Variants in TECRL observed in about 807,000 individuals in gnomAD.
The protein encoded by TECRL is trans-2,3-enoyl-CoA reductase-like.
A neutral mutation model predicts 52.8 loss-of-function variants in TECRL; 63 were observed. That is an observed-to-expected ratio of 1.19 (90% CI 0.97 to 1.47). The LOEUF is 1.47. Ranked by LOEUF, TECRL falls within the 40% of genes most tolerant of loss-of-function variation. TECRL has a pLI of 0.00. For synonymous variants in TECRL, 164 were observed against 141.9 expected, an observed-to-expected ratio of 1.16 and a Z score of -1.10; for missense variants, 482 against 429.6, an observed-to-expected ratio of 1.12 and a Z score of -1.08.
intron 1 of TECRL, among the ~76,000 whole-genome samples, chr4:64,403,673 TCTCA>T (rs1268569764): frequency 6.6e-6 from 1 of 151,866 alleles, no homozygotes; most frequent in African/African-American, 2.4e-5. Flanking sequence ...GAAATCACAC[TCTCA>T]GATTTATACT....
chr4:64,373,531 T>G (rs1050686049), intron 2 of TECRL, among the ~76,000 whole-genome samples: 1 of 151,116 alleles, frequency 6.6e-6, no homozygotes, highest in Non-Finnish European at 1.5e-5. Context: ...AAGTAATTGT[T>G]ATGTCTATTA....
intron 2 of TECRL, among the ~76,000 whole-genome samples, chr4:64,366,839 A>G (rs566427473): frequency 1.6e-4 from 25 of 152,096 alleles, no homozygotes; most frequent in Non-Finnish European, 2.5e-4. Flanking sequence ...AGATTTCCCA[A>G]TGAATTTACA....
chr4:64,311,676 A>G (rs1330461169), intron 5 of TECRL, among the ~76,000 whole-genome samples: 1 of 152,184 alleles, frequency 6.6e-6, no homozygotes, highest in African/African-American at 2.4e-5. Flanking sequence ...TAGTTTATAT[A>G]TATGCCATCA....
chr4:64,294,813 T>C (rs1723588543), intron 8 of TECRL, among the ~76,000 whole-genome samples: 1 of 151,990 alleles, frequency 6.6e-6, no homozygotes, highest in Non-Finnish European at 1.5e-5. Flanking sequence ...TTTACCTGAA[T>C]CAATATTTCA....
At chr4:64,283,800 A>G (rs1053066580) in intron 9 of TECRL, among the ~76,000 whole-genome samples, 4 of 152,112 alleles carry the variant, frequency 2.6e-5, no homozygotes, top group African/African-American at 9.7e-5. Context: ...CTAGGTTTTC[A>G]TAAATTCCTT....
Position 64,300,003 on chromosome 4 carries a change from G to A in TECRL, c.745C>T (p.Gln249Ter). The change falls in exon 8 of 12, where the codon CAA (glutamine) becomes TAA (stop). Residue 249 changes from glutamine to a stop codon, truncating the protein, a stop_gained. Transcript: ENST00000381210. LOFTEE classifies it high-confidence loss of function. ...AAATTGATAGCAGATACTGTGATTT[G>A]CCTGTTTCCAAATGCTGGAGAGTAG... ...LYTPPSFGNR[Q>*]ITVSAINFLI... The A allele has an allele frequency of 1.3e-6, 2 of 1,579,808 alleles. No homozygotes were observed. The highest frequency in any genetic ancestry group is 1.7e-6 in the Non-Finnish European group (2 of 1,160,102).
chr4:64,372,308 G>A (rs1379055079), intron 2 of TECRL, among the ~76,000 whole-genome samples: 1 of 151,806 alleles, frequency 6.6e-6, no homozygotes, highest in Non-Finnish European at 1.5e-5. Context: ...AATGAGAAAA[G>A]CATAAGAAAT....
intron 3 of TECRL, among the ~76,000 whole-genome samples, chr4:64,325,149 C>T (rs1718172807): frequency 6.6e-6 from 1 of 152,112 alleles, no homozygotes; most frequent in South Asian, 2.1e-4. Context: ...TGAGAAAAGA[C>T]AGCCACCTCT....
intron 7 of TECRL, among the ~76,000 whole-genome samples, chr4:64,304,664 C>T (rs1388844151): frequency 6.6e-6 from 1 of 151,882 alleles, no homozygotes; most frequent in African/African-American, 2.4e-5. Flanking sequence ...GATTAAGAAC[C>T]AAGGAATTAG....
intron 2 of TECRL, among the ~76,000 whole-genome samples, chr4:64,358,223 T>C (rs1010406432): frequency 2.6e-5 from 4 of 151,886 alleles, no homozygotes; most frequent in Middle Eastern, 3.2e-3. Context: ...TGCCTCATTC[T>C]TACAAATATG....
Position 64,322,814 on chromosome 4 carries a change from AATTTT to A in TECRL, c.332-27_332-23del, listed in dbSNP as rs779470632. On this transcript the variant is annotated intron_variant, in intron 3 of 11. Coordinates refer to ENST00000381210, the MANE Select transcript of TECRL (RefSeq NM_001010874.5). ...CCGCCTAAAATAAAAATAACAAGAA[AATTTT>A]ATTTTAATACAATTTCTTAGCATAA... The A allele has an allele frequency of 4.5e-6, 7 of 1,541,190 alleles. No homozygotes were observed. In the South Asian group the frequency reaches 4.9e-5, roughly 11 times the overall value.
At chr4:64,353,591 T>G (rs1249385507) in intron 2 of TECRL, among the ~76,000 whole-genome samples, 1 of 152,048 alleles carries the variant, frequency 6.6e-6, no homozygotes, top group Non-Finnish European at 1.5e-5. Context: ...TAGTATTCGT[T>G]GAATAAGGAA....
At chr4:64,368,353 T>A (rs566188624) in intron 2 of TECRL, among the ~76,000 whole-genome samples, 1 of 152,166 alleles carries the variant, frequency 6.6e-6, no homozygotes, top group African/African-American at 2.4e-5. Flanking sequence ...TGGAGTGCAA[T>A]GGCATGATCT....
intron 2 of TECRL, among the ~76,000 whole-genome samples, chr4:64,352,707 C>T (rs946782232): frequency 3.3e-5 from 5 of 152,142 alleles, no homozygotes; most frequent in Non-Finnish European, 7.4e-5. Context: ...CATGCACATA[C>T]ATATCCAAAC....
intron 2 of TECRL, among the ~76,000 whole-genome samples, chr4:64,339,714 G>A (rs375863856): frequency 1.4e-4 from 21 of 151,938 alleles, no homozygotes; most frequent in Middle Eastern, 3.4e-3. Context: ...CTTTCCCCGC[G>A]TCTTATACTA....
intron 2 of TECRL, among the ~76,000 whole-genome samples, chr4:64,365,804 C>A (rs1015326729): frequency 6.6e-6 from 1 of 151,868 alleles, no homozygotes; most frequent in Non-Finnish European, 1.5e-5. Flanking sequence ...GCCATACAGA[C>A]CAAAGCGATG....
At chr4:64,399,943 G>A (rs1422513147) in intron 1 of TECRL, among the ~76,000 whole-genome samples, 8 of 152,102 alleles carry the variant, frequency 5.3e-5, no homozygotes, top group Non-Finnish European at 7.3e-5. Context: ...TCCTCACTGG[G>A]GCACTGCCTC....
In TECRL at chr4:64,328,506, T is replaced by A; in HGVS notation, c.331+6A>T. The A allele has an allele frequency of 6.2e-7, 1 of 1,610,550 alleles. No individual in the cohort carries two copies. Among genetic ancestry groups the A allele is most frequent in the South Asian group, 1.1e-5 (1 of 90,808 alleles). ...AATAAACACATCAGTGAAAAATGCT[T>A]CTTACCACATTCTAGCTGCAGACCA... On this transcript the variant is annotated splice_donor_region_variant and intron_variant, in intron 3 of 11. Transcript: ENST00000381210.
In TECRL at chr4:64,281,148, T is replaced by C. The variant is rs1722804556; in HGVS notation, c.919-62A>G. ...TGGAATCTAGTAATTTGTTCATTTG[T>C]GGCTTTAACAGGTAATTTTAAGGCT... On this transcript the variant is annotated intron_variant, in intron 10 of 11. Transcript: ENST00000381210. 9 of 1,348,646 alleles carry C rather than the reference T, an allele frequency of 6.7e-6. No homozygotes were observed. The Admixed American group carries it at 1.1e-4, about 17-fold the overall frequency. 83.5% of individuals were successfully genotyped at this position (1,348,646 alleles called of 1,614,324 possible).
Sources: allele counts gnomAD v4.1 joint callset (sites outside exome capture counted in the v4.1 genomes callset), GRCh38; gene constraint gnomAD v4.1.1; transcripts MANE v1.5; gene names NCBI Gene and HGNC (gene_info 2026-07-23, HGNC 2026-07-21).